The following BTBD10 variants were observed in gnomAD, a reference collection of about 807,000 sequenced individuals.
BTBD10 encodes BTB domain containing 10, also known as BTB/POZ domain-containing protein 10.
Under a neutral mutation model 53.2 loss-of-function variants are expected in BTBD10, and 21 were observed. That is an observed-to-expected ratio of 0.39 (90% CI 0.28 to 0.57). The LOEUF is 0.57. BTBD10 is among the 20% of genes least tolerant of loss of function. The probability of loss-of-function intolerance (pLI) is 0.53; values close to 1 mark genes in which losing one functional copy is unlikely to be tolerated. For synonymous variants in BTBD10, 149 were observed against 192.7 expected (o/e 0.77, Z 1.88); for missense variants, 360 against 594.7 (o/e 0.61, Z 4.10).
chr11:13,452,211 C>T (rs1239586387), intron 1 of BTBD10, among the ~76,000 whole-genome samples: 1 of 152,050 alleles, frequency 6.6e-6, no homozygotes, highest in Non-Finnish European at 1.5e-5. Context: ...AAGCCAGACT[C>T]AAAGGTTACA....
At chr11:13,456,731 A>AT (rs1221805339) in intron 1 of BTBD10, among the ~76,000 whole-genome samples, 1 of 152,226 alleles carries the variant, frequency 6.6e-6, no homozygotes, top group Non-Finnish European at 1.5e-5. Flanking sequence ...ATAAAGGCAA[A>AT]TGGCCTTAAA....
At chr11:13,405,027 C>A (rs896847358) in intron 7 of BTBD10, among the ~76,000 whole-genome samples, 1 of 152,036 alleles carries the variant, frequency 6.6e-6, no homozygotes, top group African/African-American at 2.4e-5. Context: ...ATTTATAAAA[C>A]TGGTCAGAAA....
intron 2 of BTBD10, among the ~76,000 whole-genome samples, chr11:13,432,882 G>C (rs575742772): frequency 6.6e-6 from 1 of 152,104 alleles, no homozygotes; most frequent in South Asian, 2.1e-4. Context: ...ATCTGTTCTA[G>C]AGAGAACAGA....
intron 8 of BTBD10, among the ~76,000 whole-genome samples, chr11:13,390,302 T>C (rs1486093874): frequency 6.6e-6 from 1 of 152,124 alleles, no homozygotes; most frequent in Non-Finnish European, 1.5e-5. Context: ...CACTGTAAAG[T>C]GAAATCAGCC....
At chr11:13,426,783 G>A (rs532120417) in intron 2 of BTBD10, among the ~76,000 whole-genome samples, 27 of 152,190 alleles carry the variant, frequency 1.8e-4, no homozygotes, top group African/African-American at 6.5e-4. Flanking sequence ...GCTAATCCAA[G>A]AAGGCAAAGG....
chr11:13,448,040 G>C (rs1950781161), intron 1 of BTBD10, among the ~76,000 whole-genome samples: 1 of 152,112 alleles, frequency 6.6e-6, no homozygotes, highest in Non-Finnish European at 1.5e-5. Context: ...AATCTCTTCA[G>C]TTTTAACCAT....
intron 1 of BTBD10, among the ~76,000 whole-genome samples, chr11:13,445,790 G>A: frequency 6.6e-6 from 1 of 152,070 alleles, no homozygotes; most frequent in East Asian, 1.9e-4. Flanking sequence ...CACATGTGAG[G>A]CTTGTAACTG....
intron 8 of BTBD10, among the ~76,000 whole-genome samples, chr11:13,396,841 G>A (rs377012248): frequency 2.0e-5 from 3 of 152,110 alleles, no homozygotes; most frequent in African/African-American, 4.8e-5. Context: ...GCTGGATTAC[G>A]TTTATTGATT....
In BTBD10 at chr11:13,422,563, G is replaced by A. The variant is rs150249036; in HGVS notation, c.102-725C>T. On this transcript the variant is annotated intron_variant, in intron 2 of 8. Transcript: ENST00000278174. ...CTCAGGAGGCTGGGGCACAAGAATCGTCTGGGAGGCGAAGGTTGCGGTGAG... is the reference window on the plus strand; with the variant it reads ...CTCAGGAGGCTGGGGCACAAGAATCATCTGGGAGGCGAAGGTTGCGGTGAG... Among the ~76,000 whole-genome samples the A allele has an allele frequency of 1.1e-3, 170 of 152,046 alleles. 1 individual carries two copies. Among genetic ancestry groups the A allele is most frequent in the Non-Finnish European group, 1.8e-3 (122 of 67,950 alleles).
intron 8 of BTBD10, among the ~76,000 whole-genome samples, chr11:13,399,485 G>A (rs1338265291): frequency 6.6e-6 from 1 of 152,028 alleles, no homozygotes; most frequent in Non-Finnish European, 1.5e-5. Context: ...CTTTGCCATT[G>A]GATTGAACTT....
intron 2 of BTBD10, among the ~76,000 whole-genome samples, chr11:13,432,378 A>G (rs892296589): frequency 5.3e-5 from 8 of 152,130 alleles, no homozygotes; most frequent in African/African-American, 1.2e-4. Flanking sequence ...GATAAAATAC[A>G]AGAAAGGTCA....
chr11:13,393,122 T>G (rs1448665692), intron 8 of BTBD10, among the ~76,000 whole-genome samples: 1 of 152,276 alleles, frequency 6.6e-6, no homozygotes, highest in East Asian at 1.9e-4. Context: ...ATTTGTGCTT[T>G]CCCACAACAC....
Position 13,391,876 on chromosome 11 carries a change from G to A in BTBD10, c.1118-2735C>T, listed in dbSNP as rs374784167. ...GGAGAATCACTTGAACCCAGGAGGC[G>A]GAGGCTGCAGTGAGCTGAGGTTGCG... On this transcript the variant is annotated intron_variant, in intron 8 of 8. Transcript: ENST00000278174. Among the ~76,000 whole-genome samples, 26 of 152,308 alleles carry A rather than the reference G, an allele frequency of 1.7e-4. No homozygotes were observed. In the South Asian group the frequency reaches 4.4e-3, roughly 25 times the overall value.
chr11:13,411,752 T>C (rs977243454), intron 6 of BTBD10, among the ~76,000 whole-genome samples: 2 of 152,066 alleles, frequency 1.3e-5, no homozygotes, highest in African/African-American at 2.4e-5. Context: ...ATTAATTATA[T>C]AAAGATTAAT....
At chr11:13,429,122 GA>G (rs1230334342) in intron 2 of BTBD10, among the ~76,000 whole-genome samples, 1 of 151,954 alleles carries the variant, frequency 6.6e-6, no homozygotes. Context: ...CAAAAGATGT[GA>G]AAAACTCACA....
chr11:13,404,187 TAGAA>T (rs1343379950), intron 7 of BTBD10, among the ~76,000 whole-genome samples: 1 of 152,186 alleles, frequency 6.6e-6, no homozygotes, highest in Non-Finnish European at 1.5e-5. Flanking sequence ...TTTTAGATCT[TAGAA>T]AGGACAATAT....
At chr11:13,445,445 A>AACAACT (rs1950734532) in intron 1 of BTBD10, among the ~76,000 whole-genome samples, 1 of 152,172 alleles carries the variant, frequency 6.6e-6, no homozygotes, top group Non-Finnish European at 1.5e-5. Flanking sequence ...AATATACTTA[A>AACAACT]ACAACTACTG....
At chr11:13,461,493 G>C (rs1951095598) in intron 1 of BTBD10, among the ~76,000 whole-genome samples, 1 of 152,132 alleles carries the variant, frequency 6.6e-6, no homozygotes, top group African/African-American at 2.4e-5. Flanking sequence ...CTATGGCTTT[G>C]AAAGGTGCAC....
At chr11:13,422,499 T>A (rs1221647515) in intron 2 of BTBD10, among the ~76,000 whole-genome samples, 1 of 151,852 alleles carries the variant, frequency 6.6e-6, no homozygotes, top group Non-Finnish European at 1.5e-5. Flanking sequence ...AACACAAAAA[T>A]CAGCTGGGTG....
Sources: gnomAD v4.1 joint callset for allele counts (sites outside exome capture counted in the v4.1 genomes callset) on GRCh38, gnomAD v4.1.1 for gene constraint, MANE v1.5 for transcripts, NCBI Gene and HGNC (gene_info 2026-07-23, HGNC 2026-07-21) for gene names.